Variants in CADPS2 observed in about 807,000 individuals in gnomAD.
CADPS2 encodes the protein calcium-dependent secretion activator 2.
Under a neutral mutation model 172.5 loss-of-function variants are expected in CADPS2, and 93 were observed. The ratio of observed to expected loss-of-function variants is 0.54; its 90% CI spans 0.46 to 0.64. CADPS2 has a LOEUF of 0.64. Among genes scored for constraint, CADPS2 ranks in the 30% least tolerant of loss-of-function variants. The pLI, the probability that CADPS2 is intolerant of heterozygous loss-of-function variation, is 0.00. For missense variants in CADPS2, 1,420 were observed against 1,565.9 expected (o/e 0.91, Z 1.57); for synonymous variants, 546 against 555.2 (o/e 0.98, Z 0.23).
intron 1 of CADPS2, among the ~76,000 whole-genome samples, chr7:122,744,854 G>A (rs2092654270): frequency 6.6e-6 from 1 of 152,070 alleles, no homozygotes; most frequent in Non-Finnish European, 1.5e-5. Context: ...TCATGGCATT[G>A]TCTGGCGTGG....
intron 8 of CADPS2, among the ~76,000 whole-genome samples, chr7:122,530,971 TGGGCGTA>T (rs756865560): frequency 9.2e-5 from 14 of 152,086 alleles, no homozygotes; most frequent in Non-Finnish European, 1.5e-4. Flanking sequence ...CCATCCCTGG[TGGGCGTA>T]AGATAGGAAT....
intron 12 of CADPS2, among the ~76,000 whole-genome samples, chr7:122,479,630 A>G (rs1272210020): frequency 6.6e-6 from 1 of 152,220 alleles, no homozygotes; most frequent in African/African-American, 2.4e-5. Flanking sequence ...TCTGCAGCCA[A>G]TAACACGTAA....
rs182019388 is a variant in CADPS2, at chr7:122,834,684, A to G, written c.339+51315T>C. On this transcript the variant is annotated intron_variant, in intron 1 of 29. Transcript: ENST00000449022. ...GTCCCACACCCACGGAGCCTTGCTC[A>G]CTGCTAGCACAGCAGTCTGAGATCA... Among the ~76,000 whole-genome samples, 970 of 152,356 alleles carry G rather than the reference A, an allele frequency of 6.4e-3. 9 individuals are homozygous for G. Among genetic ancestry groups the G allele is most frequent in the African/African-American group, 0.022 (927 of 41,584 alleles).
intron 6 of CADPS2, among the ~76,000 whole-genome samples, chr7:122,587,314 G>A (rs542293628): frequency 1.3e-5 from 2 of 151,914 alleles, no homozygotes; most frequent in Admixed American, 6.6e-5. Flanking sequence ...CCCTCCCTAC[G>A]TCCATGTGAT....
At chr7:122,539,767 G>GTC (rs893155861) in intron 8 of CADPS2, among the ~76,000 whole-genome samples, 5 of 65,770 alleles carry the variant, frequency 7.6e-5, no homozygotes, top group African/African-American at 3.8e-4. Flanking sequence ...CTCTGTCTCT[G>GTC]TCTCTCTCTT....
intron 14 of CADPS2, among the ~76,000 whole-genome samples, chr7:122,454,737 G>C (rs2053557024): frequency 6.6e-6 from 1 of 152,116 alleles, no homozygotes; most frequent in Admixed American, 6.6e-5. Context: ...ATGAATGTTT[G>C]TTTAATAGAC....
chr7:122,808,856 G>A (rs1006591117), intron 1 of CADPS2, among the ~76,000 whole-genome samples: 2 of 152,088 alleles, frequency 1.3e-5, no homozygotes, highest in African/African-American at 4.8e-5. Context: ...AAAGATCTAG[G>A]AAATATAAGC....
intron 2 of CADPS2, among the ~76,000 whole-genome samples, chr7:122,679,141 G>T (rs2082703234): frequency 6.6e-6 from 1 of 151,920 alleles, no homozygotes; most frequent in African/African-American, 2.4e-5. Context: ...CTGGCTGCCT[G>T]TGGGCCGGGC....
chr7:122,429,287 T>C (rs1231929431), intron 17 of CADPS2, among the ~76,000 whole-genome samples: 1 of 149,854 alleles, frequency 6.7e-6, no homozygotes, highest in East Asian at 1.9e-4. Context: ...TTTTAAAATA[T>C]ATATCACAAA....
intron 1 of CADPS2, among the ~76,000 whole-genome samples, chr7:122,840,467 G>A (rs1382057440): frequency 1.3e-5 from 2 of 149,746 alleles, no homozygotes; most frequent in Non-Finnish European, 3.0e-5. Context: ...CATGAAATCA[G>A]AATGTAGACT....
rs188252506 is a variant in CADPS2, at chr7:122,474,233, A to T, written c.1998+148T>A. 9.0e-4 allele frequency: 727 copies of T among 805,202 alleles called. 5 individuals carry two copies. The African/African-American group carries it at 0.011, about 13-fold the overall frequency. The allele number at this position is 805,202 out of a possible 1,614,324, so 49.9% of individuals were successfully genotyped here. A position where few individuals can be genotyped will look rare whatever the true frequency, so the allele number is the denominator to read the frequency against. ...AATCAACTGGAATCCTTTATCCCTCACTCCCACTACCCTTATTAAATGAGT... is the reference window on the plus strand; with the variant it reads ...AATCAACTGGAATCCTTTATCCCTCTCTCCCACTACCCTTATTAAATGAGT... On this transcript the variant is annotated intron_variant, in intron 13 of 29. Coordinates refer to ENST00000449022, the MANE Select transcript of CADPS2 (RefSeq NM_017954.11).
intron 2 of CADPS2, among the ~76,000 whole-genome samples, chr7:122,700,942 C>T (rs922338551): frequency 6.6e-6 from 1 of 152,122 alleles, no homozygotes; most frequent in Non-Finnish European, 1.5e-5. Flanking sequence ...ATTTAGAACA[C>T]ATTACCAATC....
At chr7:122,720,209 T>C (rs890615807) in intron 2 of CADPS2, among the ~76,000 whole-genome samples, 1 of 152,030 alleles carries the variant, frequency 6.6e-6, no homozygotes, top group Non-Finnish European at 1.5e-5. Context: ...GCAGTAAACG[T>C]ATGCCATAAT....
rs2031807714 is a variant in CADPS2, at chr7:122,318,759, A to C, written c.*1406T>G. On this transcript the variant is annotated 3_prime_UTR_variant, in exon 30 of 30. Transcript: ENST00000449022. ...AATGCTAAATAGTAACTGTAGATTA[A>C]ATAGATTTTTAAGGCTAGTCTAGGT... 1 of 152,190 alleles carries C rather than the reference A, an allele frequency of 6.6e-6. No individual in the cohort carries two copies. The highest frequency in any genetic ancestry group is 2.1e-4 in the South Asian group (1 of 4,834). The allele number at this position is 152,190 out of a possible 1,614,324, so 9.4% of individuals were successfully genotyped here.
chr7:122,754,003 T>C (rs1048344317), intron 1 of CADPS2, among the ~76,000 whole-genome samples: 6 of 152,206 alleles, frequency 3.9e-5, no homozygotes, highest in Admixed American at 1.3e-4. Context: ...TAATAGGATG[T>C]GGTGCAGAGC....
chr7:122,490,437 G>A (rs1257160780), intron 10 of CADPS2, among the ~76,000 whole-genome samples, 156 bp from the exon 11 acceptor site: 1 of 152,064 alleles, frequency 6.6e-6, no homozygotes, highest in Admixed American at 6.6e-5. Flanking sequence ...CACAATCAAA[G>A]ATTTGAAGAA....
At chr7:122,734,243 TTTTAA>T (rs1299699316) in intron 2 of CADPS2, among the ~76,000 whole-genome samples, 3 of 148,226 alleles carry the variant, frequency 2.0e-5, no homozygotes, top group Non-Finnish European at 3.0e-5. Flanking sequence ...TTTAAATATA[TTTTAA>T]TTTCTCTGAT....
chr7:122,597,078 A>T (rs560583039), intron 6 of CADPS2, among the ~76,000 whole-genome samples: 2 of 152,154 alleles, frequency 1.3e-5, no homozygotes, highest in East Asian at 3.9e-4. Flanking sequence ...TAAAAGAGCA[A>T]GAACTCACTC....
intron 7 of CADPS2, among the ~76,000 whole-genome samples, chr7:122,572,977 C>T (rs1006094973): frequency 2.0e-4 from 31 of 152,150 alleles, no homozygotes; most frequent in African/African-American, 7.5e-4. Context: ...ATGCCAAGTA[C>T]TTGCCAAATA....
Sources: gnomAD v4.1 joint callset for allele counts (sites outside exome capture counted in the v4.1 genomes callset) on GRCh38, gnomAD v4.1.1 for gene constraint, MANE v1.5 for transcripts, NCBI Gene and HGNC (gene_info 2026-07-23, HGNC 2026-07-21) for gene names.